Variants in MYLK observed in about 807,000 individuals in gnomAD.
MYLK encodes the protein myosin light chain kinase.
Under a neutral mutation model 203.4 loss-of-function variants are expected in MYLK, and 106 were observed. The ratio of observed to expected loss-of-function variants is 0.52; its 90% CI spans 0.45 to 0.61. The LOEUF (loss-of-function observed/expected upper bound fraction) is 0.61. MYLK is among the 20% of genes least tolerant of loss of function. The pLI, the probability that MYLK is intolerant of heterozygous loss-of-function variation, is 0.00. For missense variants in MYLK, 2,072 were observed against 2,442.3 expected, an observed-to-expected ratio of 0.85 and a Z score of 3.20; for synonymous variants, 867 against 959.5, an observed-to-expected ratio of 0.90 and a Z score of 1.78.
chr3:123,799,590 C>T (rs554511356), intron 3 of MYLK, among the ~76,000 whole-genome samples: 1 of 152,156 alleles, frequency 6.6e-6, no homozygotes, highest in Non-Finnish European at 1.5e-5. Flanking sequence ...CGCAGTCTAC[C>T]GTGAACCCTA....
intron 20 of MYLK, among the ~76,000 whole-genome samples, chr3:123,670,552 C>T (rs116119627): frequency 0.013 from 1,951 of 152,028 alleles, 33 homozygotes; most frequent in African/African-American, 0.043. Context: ...GCCAGGAGTT[C>T]GAGACTAACC....
chr3:123,763,582 A>G (rs1205294624), intron 4 of MYLK, among the ~76,000 whole-genome samples: 1 of 151,920 alleles, frequency 6.6e-6, no homozygotes, highest in African/African-American at 2.4e-5. Context: ...TTTCTTCAGA[A>G]CTCTGAAGAT....
At chr3:123,858,175 C>A (rs1307538973) in intron 2 of MYLK, among the ~76,000 whole-genome samples, 1 of 152,116 alleles carries the variant, frequency 6.6e-6, no homozygotes, top group African/African-American at 2.4e-5. Context: ...GTGCCCAGAT[C>A]CTGTGGTATT....
At chr3:123,833,263 A>G (rs74668764) in intron 2 of MYLK, among the ~76,000 whole-genome samples, 158 of 152,296 alleles carry the variant, frequency 1.0e-3, no homozygotes, top group African/African-American at 2.8e-3. Context: ...CATGTCTCAT[A>G]AGCTAATCCA....
rs9850316 is a variant in MYLK at position 123,635,694 on chromosome 3, C to T, written c.4961+2377G>A. 5.4e-3 allele frequency among the ~76,000 whole-genome samples: 817 copies of T among 152,150 alleles called. 3 individuals carry two copies. The highest frequency in any genetic ancestry group is 0.019 in the African/African-American group (799 of 41,494). Reference sequence around the variant, plus strand: ...TGCCCAAATTACTATGTTCCTCCACCGAAAAGAACTCTCATTTGACAATAA... The same window carrying T: ...TGCCCAAATTACTATGTTCCTCCACTGAAAAGAACTCTCATTTGACAATAA... On this transcript the variant is annotated intron_variant, in intron 29 of 33. Coordinates refer to ENST00000360304, the MANE Select transcript of MYLK (RefSeq NM_053025.4).
At position 123,610,692 on chromosome 3, in the gene MYLK, G is replaced by C. The variant is rs1421395953; in HGVS notation, c.*3413C>G. 6.6e-6 allele frequency: 1 copy of C among 152,224 alleles called. No homozygotes were observed. Among genetic ancestry groups the C allele is most frequent in the Non-Finnish European group, 1.5e-5 (1 of 68,042 alleles). The allele number at this position is 152,224 out of a possible 1,614,324, so 9.4% of individuals were successfully genotyped here. A position where few individuals can be genotyped will look rare whatever the true frequency, so the allele number is the denominator to read the frequency against. ...AGGAAGGAGTCCCAAGGGATAAAGA[G>C]AGTAGTGCTACTTGTGTTTTCTTGA... On this transcript the variant is annotated 3_prime_UTR_variant, in exon 34 of 34. Coordinates refer to ENST00000360304, the MANE Select transcript of MYLK (RefSeq NM_053025.4).
At chr3:123,734,251 T>TGGGGGGGGTTGGGGG in intron 9 of MYLK, 29 bp from the exon 10 acceptor site, 1 of 448,436 alleles carries the variant, frequency 2.2e-6, no homozygotes. Flanking sequence ...GGGGGTAGGG[T>TGGGGGGGGTTGGGGG]GGGTGAGGAG....
intron 19 of MYLK, among the ~76,000 whole-genome samples, chr3:123,682,801 C>G (rs113828123): frequency 1.3e-3 from 192 of 152,288 alleles, no homozygotes; most frequent in Middle Eastern, 3.4e-3. Context: ...CCAAACTTTG[C>G]AGTGACAAAC....
chr3:123,763,282 C>T (rs564266426), intron 4 of MYLK, among the ~76,000 whole-genome samples: 2 of 152,156 alleles, frequency 1.3e-5, no homozygotes, highest in South Asian at 4.1e-4. Flanking sequence ...TTATTTTTTT[C>T]TCCTTTAGAG....
chr3:123,848,066 G>A (rs2030249589), intron 2 of MYLK, among the ~76,000 whole-genome samples: 1 of 151,760 alleles, frequency 6.6e-6, no homozygotes, highest in African/African-American at 2.4e-5. Context: ...TTATTTTACT[G>A]CAGTTTTCTA....
chr3:123,698,937 C>G (rs2061050844), intron 18 of MYLK: 1 of 152,218 alleles, frequency 6.6e-6, no homozygotes, highest in Non-Finnish European at 1.5e-5. Flanking sequence ...GAGCAGCCCA[C>G]AGGAAGAGCA....
intron 3 of MYLK, among the ~76,000 whole-genome samples, chr3:123,821,928 G>A (rs2065951186): frequency 6.6e-6 from 1 of 152,140 alleles, no homozygotes; most frequent in Admixed American, 6.5e-5. Flanking sequence ...GTTTTGAGAG[G>A]TGGGACCTTT....
At chr3:123,658,271 T>C (rs1461489968) in intron 23 of MYLK, among the ~76,000 whole-genome samples, 1 of 152,092 alleles carries the variant, frequency 6.6e-6, no homozygotes, top group African/African-American at 2.4e-5. Flanking sequence ...GGACAGAAAA[T>C]GAGCTGAGGA....
chr3:123,818,602 A>G (rs2065823287), intron 3 of MYLK, among the ~76,000 whole-genome samples: 2 of 152,136 alleles, frequency 1.3e-5, no homozygotes, highest in Admixed American at 1.3e-4. Flanking sequence ...AGGCAGGAGG[A>G]TTGCTTGAGT....
In MYLK at chr3:123,647,435, T is replaced by A. The variant is rs199790673; in HGVS notation, c.4416-8A>T. The stretch of plus-strand genomic sequence containing the variant: ...ACCTGTCCAAATTTCCCACTGCAAA[T>A]GAAAGGGGGAGGAGAGAAAAGCCAC... On this transcript the variant is annotated splice_region_variant and splice_polypyrimidine_tract_variant and intron_variant, in intron 26 of 33. Transcript: ENST00000360304. 30 of 1,613,964 alleles carry A rather than the reference T, an allele frequency of 1.9e-5. No individual in the cohort carries two copies. The highest frequency in any genetic ancestry group is 3.3e-4 in the Middle Eastern group (2 of 6,062).
At chr3:123,772,829 G>A (rs1241576101) in intron 4 of MYLK, among the ~76,000 whole-genome samples, 1 of 151,924 alleles carries the variant, frequency 6.6e-6, no homozygotes, top group Admixed American at 6.5e-5. Flanking sequence ...GTGTTAATAG[G>A]TAAAGTGATA....
intron 23 of MYLK, among the ~76,000 whole-genome samples, chr3:123,661,511 A>G (rs1318406578): frequency 6.6e-6 from 1 of 152,140 alleles, no homozygotes; most frequent in African/African-American, 2.4e-5. Flanking sequence ...AGAGTGAGAA[A>G]AGGGTTGTTC....
Position 123,664,256 on chromosome 3 carries a change from G to T in MYLK, c.3834C>A (p.Ile1278=), listed in dbSNP as rs758528029. ...TCTWMKFRKQ[I]QESEHMKVEN... ...CCACCTTCATGTGCTCGCTTTCCTG[G>T]ATCTAGGGGCGGAGGATGGAGCAGG... The change falls in exon 23 of 34, where the codon ATC becomes ATA. Residue 1278 remains isoleucine (I), a splice_region_variant and synonymous_variant. Coordinates refer to ENST00000360304, the MANE Select transcript of MYLK (RefSeq NM_053025.4). The T allele has an allele frequency of 3.7e-6, 6 of 1,614,092 alleles. No individual in the cohort carries two copies. Among genetic ancestry groups the T allele is most frequent in the Non-Finnish European group, 4.2e-6 (5 of 1,180,040 alleles).
chr3:123,869,388 A>G (rs191688015), intron 2 of MYLK, among the ~76,000 whole-genome samples: 98 of 152,270 alleles, frequency 6.4e-4, no homozygotes, highest in Non-Finnish European at 1.0e-3. Flanking sequence ...CCTCTAAACC[A>G]GGACTGGCAC....
Sources: allele counts gnomAD v4.1 joint callset (sites outside exome capture counted in the v4.1 genomes callset), GRCh38; gene constraint gnomAD v4.1.1; transcripts MANE v1.5; gene names NCBI Gene and HGNC (gene_info 2026-07-23, HGNC 2026-07-21).